TENM3: variants seen among roughly 807,000 people sequenced by gnomAD.
The protein encoded by TENM3 is teneurin-3.
Under a neutral mutation model 255.1 loss-of-function variants are expected in TENM3, and 63 were observed. The ratio of observed to expected loss-of-function variants is 0.25; its 90% CI spans 0.20 to 0.30. The LOEUF (loss-of-function observed/expected upper bound fraction) is 0.30. TENM3 is among the 10% of genes least tolerant of loss of function. The probability of loss-of-function intolerance (pLI) is 1.00; values close to 1 mark genes in which losing one functional copy is unlikely to be tolerated. For synonymous variants in TENM3, 1,306 were observed against 1,322.3 expected, an observed-to-expected ratio of 0.99 and a Z score of 0.27; for missense variants, 2,929 against 3,461.1, an observed-to-expected ratio of 0.85 and a Z score of 3.86.
intron 3 of TENM3, among the ~76,000 whole-genome samples, chr4:182,440,258 C>T (rs1018772024): frequency 2.0e-5 from 3 of 151,868 alleles, no homozygotes; most frequent in African/African-American, 4.8e-5. Flanking sequence ...ACTACAGGCA[C>T]GCACCACCAC....
the TENM3 span, among the ~76,000 whole-genome samples, chr4:181,559,876 G>A: frequency 6.6e-6 from 1 of 152,310 alleles, no homozygotes; most frequent in South Asian, 2.1e-4. Context: ...GAAACCACAG[G>A]CTTCCTTGCT....
chr4:181,863,865 T>C, the TENM3 span, among the ~76,000 whole-genome samples: 2,055 of 152,174 alleles, frequency 0.014, 30 homozygotes, highest in African/African-American at 0.033. Flanking sequence ...ATCAACATAT[T>C]ATAATATAGT....
chr4:181,843,716 CTTT>C, the TENM3 span, among the ~76,000 whole-genome samples: 17 of 104,664 alleles, frequency 1.6e-4, no homozygotes, highest in African/African-American at 3.6e-4. Flanking sequence ...TAAGGGCCTT[CTTT>C]TTTTTTTTTT....
chr4:181,716,636 G>A, the TENM3 span, among the ~76,000 whole-genome samples: 1 of 152,138 alleles, frequency 6.6e-6, no homozygotes, highest in Admixed American at 6.5e-5. Context: ...TAAAATCAGA[G>A]TCATAAAAAT....
At chr4:182,119,072 C>T in the TENM3 span, among the ~76,000 whole-genome samples, 1 of 152,144 alleles carries the variant, frequency 6.6e-6, no homozygotes, top group African/African-American at 2.4e-5. Context: ...GAACTGTTGT[C>T]ACCATTGCTT....
intron 1 of TENM3, among the ~76,000 whole-genome samples, chr4:182,280,180 T>C (rs1760281972): frequency 6.6e-6 from 1 of 152,232 alleles, no homozygotes; most frequent in South Asian, 2.1e-4. Context: ...TGGAGACTTC[T>C]TTTGGCCGCT....
At chr4:181,473,609 AAAATG>A in the TENM3 span, among the ~76,000 whole-genome samples, 1 of 151,976 alleles carries the variant, frequency 6.6e-6, no homozygotes, top group African/African-American at 2.4e-5. Flanking sequence ...AACAACCAAA[AAAATG>A]AAATGAAAAA....
intron 1 of TENM3, among the ~76,000 whole-genome samples, chr4:182,306,174 G>T (rs528338383): frequency 5.1e-4 from 78 of 152,080 alleles, no homozygotes; most frequent in Non-Finnish European, 8.5e-4. Context: ...ACTTACATTT[G>T]AAAGATAGTT....
chr4:181,672,754 G>A, the TENM3 span, among the ~76,000 whole-genome samples: 26 of 152,172 alleles, frequency 1.7e-4, no homozygotes, highest in Admixed American at 1.7e-3. Flanking sequence ...GCCAGGAACT[G>A]TGCTAAGTAC....
Position 182,334,495 on chromosome 4 carries a change from C to T in TENM3, c.232+10243C>T, listed in dbSNP as rs577024874. On this transcript the variant is annotated intron_variant, in intron 2 of 27. Transcript: ENST00000511685. Reference sequence around the variant, plus strand: ...GTATTTTCAAATTTCTGGAAATAGCCGAAACCATATTTAAAAGTCAAATAG... The same window carrying T: ...GTATTTTCAAATTTCTGGAAATAGCTGAAACCATATTTAAAAGTCAAATAG... Among the ~76,000 whole-genome samples the T allele has an allele frequency of 4.6e-5, 7 of 151,858 alleles. 1 individual carries two copies. Among genetic ancestry groups the T allele is most frequent in the African/African-American group, 1.4e-4 (6 of 41,386 alleles).
chr4:182,007,746 G>A, the TENM3 span, among the ~76,000 whole-genome samples: 1 of 152,182 alleles, frequency 6.6e-6, no homozygotes, highest in African/African-American at 2.4e-5. Context: ...ATTGTTATTT[G>A]TGAATTTGAT....
chr4:181,548,397 A>T, the TENM3 span, among the ~76,000 whole-genome samples: 1 of 152,202 alleles, frequency 6.6e-6, no homozygotes, highest in Admixed American at 6.5e-5. Flanking sequence ...AATGGCAAAG[A>T]CTTGGAACCA....
intron 5 of TENM3, among the ~76,000 whole-genome samples, chr4:182,651,280 G>A (rs1434959676): frequency 6.6e-6 from 1 of 151,950 alleles, no homozygotes; most frequent in South Asian, 2.1e-4. Flanking sequence ...TGTGATAAGT[G>A]TTTAGCAAGT....
chr4:181,559,323 C>T, the TENM3 span, among the ~76,000 whole-genome samples: 2 of 152,114 alleles, frequency 1.3e-5, no homozygotes, highest in African/African-American at 4.8e-5. Flanking sequence ...AATGTGTATA[C>T]CGACCCACAA....
Position 182,278,827 on chromosome 4 carries a change from G to A in TENM3, c.-76+35351G>A, listed in dbSNP as rs982474935. 2.0e-5 allele frequency among the ~76,000 whole-genome samples: 3 copies of A among 152,154 alleles called. 1 individual carries two copies. In the South Asian group the frequency reaches 6.2e-4, roughly 32 times the overall value. Reference sequence around the variant, plus strand: ...TGTGTGCAGCATGGTGCTAGTGTAGGTTTGGGGATAACAAGAGATTTAAGA... The same window carrying A: ...TGTGTGCAGCATGGTGCTAGTGTAGATTTGGGGATAACAAGAGATTTAAGA... On this transcript the variant is annotated intron_variant, in intron 1 of 27. Transcript: ENST00000511685.
chr4:181,703,394 C>T, the TENM3 span, among the ~76,000 whole-genome samples: 4,183 of 152,254 alleles, frequency 0.027, 197 homozygotes, highest in African/African-American at 0.096. Flanking sequence ...TTATTTCTAA[C>T]ATACGTGAAG....
the TENM3 span, among the ~76,000 whole-genome samples, chr4:181,673,976 A>ATTTT: frequency 6.6e-6 from 1 of 151,728 alleles, no homozygotes; most frequent in Admixed American, 6.6e-5. Flanking sequence ...AGTATGGCGA[A>ATTTT]TTTCTTTTCT....
the TENM3 span, among the ~76,000 whole-genome samples, chr4:181,815,493 C>T: frequency 5.0e-5 from 7 of 140,064 alleles, no homozygotes; most frequent in South Asian, 2.4e-4. Context: ...GTAGAGGAAA[C>T]GAATGATACA....
the TENM3 span, among the ~76,000 whole-genome samples, chr4:181,788,227 T>C: frequency 9.9e-5 from 15 of 152,200 alleles, no homozygotes; most frequent in Non-Finnish European, 7.3e-5. Context: ...TGATGATGAT[T>C]ATCATCATCC....
Sources: allele counts gnomAD v4.1 joint callset (sites outside exome capture counted in the v4.1 genomes callset), GRCh38; gene constraint gnomAD v4.1.1; transcripts MANE v1.5; gene names NCBI Gene and HGNC (gene_info 2026-07-23, HGNC 2026-07-21).